PHLPP1: variants seen among roughly 807,000 people sequenced by gnomAD.
PHLPP1 encodes PH domain leucine-rich repeat-containing protein phosphatase 1.
Under a neutral mutation model 117.2 loss-of-function variants are expected in PHLPP1, and 42 were observed. The ratio of observed to expected loss-of-function variants is 0.36; its 90% CI spans 0.28 to 0.46. PHLPP1 has a LOEUF of 0.46. Among genes scored for constraint, PHLPP1 ranks in the 20% least tolerant of loss-of-function variants. The probability of loss-of-function intolerance (pLI) is 1.00; values close to 1 mark genes in which losing one functional copy is unlikely to be tolerated. For missense variants in PHLPP1, 2,084 were observed against 2,241.9 expected, an observed-to-expected ratio of 0.93 and a Z score of 1.42; for synonymous variants, 1,042 against 970.7, an observed-to-expected ratio of 1.07 and a Z score of -1.37.
At chr18:62,736,148 C>T (rs1054513544) in intron 1 of PHLPP1, among the ~76,000 whole-genome samples, 8 of 152,102 alleles carry the variant, frequency 5.3e-5, no homozygotes, top group South Asian at 2.1e-4. Flanking sequence ...GTTAGCTGGC[C>T]TCTGCTTGTT....
chr18:62,884,316 TATCTC>T (rs1916234100), intron 4 of PHLPP1, among the ~76,000 whole-genome samples: 1 of 152,258 alleles, frequency 6.6e-6, no homozygotes, highest in African/African-American at 2.4e-5. Flanking sequence ...TGACACTGCT[TATCTC>T]AGGAGGGTAG....
intron 6 of PHLPP1, among the ~76,000 whole-genome samples, chr18:62,897,614 C>G (rs1048804858): frequency 2.0e-5 from 3 of 152,204 alleles, no homozygotes; most frequent in African/African-American, 7.2e-5. Flanking sequence ...TCAAGAGATT[C>G]TCCTCCCTCA....
intron 3 of PHLPP1, among the ~76,000 whole-genome samples, chr18:62,849,797 CAAAAAAAAAAAAAAAAAAA>C (rs1159265423): frequency 5.3e-3 from 39 of 7,394 alleles, no homozygotes; most frequent in African/African-American, 0.018. Flanking sequence ...CCTGTCTCTA[CAAAAAAAAAAAAAAAAAAA>C]AAAAAAAAAA....
chr18:62,935,018 G>C (rs1322712250), intron 10 of PHLPP1, among the ~76,000 whole-genome samples: 1 of 152,160 alleles, frequency 6.6e-6, no homozygotes, highest in Non-Finnish European at 1.5e-5. Context: ...TATTATATTA[G>C]ATATATTAGC....
chr18:62,726,552 T>C (rs556753473), intron 1 of PHLPP1, among the ~76,000 whole-genome samples: 6 of 151,440 alleles, frequency 4.0e-5, no homozygotes, highest in African/African-American at 1.2e-4. Flanking sequence ...CATTTTCTTT[T>C]CTTTTCTTTC....
intron 4 of PHLPP1, among the ~76,000 whole-genome samples, chr18:62,864,780 C>T (rs1254569140): frequency 1.3e-5 from 2 of 152,190 alleles, no homozygotes; most frequent in Non-Finnish European, 2.9e-5. Flanking sequence ...TTACATTACC[C>T]ATCCCTTTTA....
At chr18:62,832,639 A>G (rs2144333811) in intron 2 of PHLPP1, among the ~76,000 whole-genome samples, 1 of 152,346 alleles carries the variant, frequency 6.6e-6, no homozygotes, top group East Asian at 1.9e-4. Flanking sequence ...ATGCCTTTAA[A>G]AAATAATTGA....
chr18:62,748,953 T>TGGTTA (rs1198503571), intron 1 of PHLPP1, among the ~76,000 whole-genome samples: 2 of 152,198 alleles, frequency 1.3e-5, no homozygotes, highest in African/African-American at 4.8e-5. Flanking sequence ...ATTATTTTAG[T>TGGTTA]GGTTACCTTT....
chr18:62,866,894 T>C (rs1205704130), intron 4 of PHLPP1, among the ~76,000 whole-genome samples: 6 of 152,182 alleles, frequency 3.9e-5, no homozygotes, highest in Admixed American at 3.9e-4. Flanking sequence ...TCTCCCCAGC[T>C]GTTATAGTAA....
At chr18:62,723,574 CAT>C in intron 1 of PHLPP1, among the ~76,000 whole-genome samples, 1 of 152,144 alleles carries the variant, frequency 6.6e-6, no homozygotes, top group Non-Finnish European at 1.5e-5. Flanking sequence ...TGAATCTTTT[CAT>C]ATACCTGCCT....
intron 1 of PHLPP1, among the ~76,000 whole-genome samples, chr18:62,735,961 T>TA (rs1911357699): frequency 6.7e-6 from 1 of 149,274 alleles, no homozygotes. Context: ...TAATAATACA[T>TA]AAAAAATTAA....
intron 1 of PHLPP1, among the ~76,000 whole-genome samples, chr18:62,805,128 A>G (rs538475883): frequency 7.0e-6 from 1 of 141,962 alleles, no homozygotes; most frequent in African/African-American, 2.6e-5. Flanking sequence ...TATGCACTGC[A>G]TAGGTTATAC....
rs560052366 is a variant in PHLPP1, at chr18:62,814,403, G to C, written c.1577-15632G>C. Among the ~76,000 whole-genome samples the C allele has an allele frequency of 2.0e-5, 3 of 152,284 alleles. No homozygotes were observed. The East Asian group carries it at 5.8e-4, about 29-fold the overall frequency. Reference sequence around the variant, plus strand: ...ACAGAATTCCCAGATGCAGTTTAGTGCTCCCCTAGACCTCTTACGGAGTCA... The same window carrying C: ...ACAGAATTCCCAGATGCAGTTTAGTCCTCCCCTAGACCTCTTACGGAGTCA... On this transcript the variant is annotated intron_variant, in intron 1 of 16. Transcript: ENST00000262719.
At chr18:62,804,690 GCCCCCATC>G (rs1441170631) in intron 1 of PHLPP1, among the ~76,000 whole-genome samples, 4 of 151,178 alleles carry the variant, frequency 2.6e-5, no homozygotes, top group South Asian at 2.1e-4. Context: ...TGGCTTGCCT[GCCCCCATC>G]CCCCCATCCC....
At chr18:62,917,150 G>GATTTT (rs1909311469) in intron 9 of PHLPP1, among the ~76,000 whole-genome samples, 1 of 148,640 alleles carries the variant, frequency 6.7e-6, no homozygotes, top group Non-Finnish European at 1.5e-5. Context: ...AGGCTACAAA[G>GATTTT]ATATATTTTA....
At chr18:62,867,675 A>G (rs1028941385) in intron 4 of PHLPP1, among the ~76,000 whole-genome samples, 4 of 152,150 alleles carry the variant, frequency 2.6e-5, no homozygotes, top group African/African-American at 7.2e-5. Context: ...CCTGCTACAC[A>G]GCAAAGACAG....
chr18:62,925,279 A>G (rs533641663), intron 10 of PHLPP1, among the ~76,000 whole-genome samples: 5 of 152,234 alleles, frequency 3.3e-5, no homozygotes, highest in South Asian at 2.1e-4. Flanking sequence ...CGCTTTTCCT[A>G]TTAAAGTCAG....
At chr18:62,735,139 T>C (rs1422076191) in intron 1 of PHLPP1, among the ~76,000 whole-genome samples, 2 of 151,950 alleles carry the variant, frequency 1.3e-5, no homozygotes, top group Admixed American at 1.3e-4. Flanking sequence ...CTGCCTCCTA[T>C]GCTCAAGGCA....
intron 4 of PHLPP1, among the ~76,000 whole-genome samples, chr18:62,865,267 G>A (rs909806656): frequency 1.3e-5 from 2 of 152,074 alleles, no homozygotes; most frequent in African/African-American, 2.4e-5. Context: ...TTGAGGCTGC[G>A]GTGAGCCATG....
Sources: gnomAD v4.1 joint callset for allele counts (sites outside exome capture counted in the v4.1 genomes callset) on GRCh38, gnomAD v4.1.1 for gene constraint, MANE v1.5 for transcripts, NCBI Gene and HGNC (gene_info 2026-07-23, HGNC 2026-07-21) for gene names.